PIKFYVE: variants seen among roughly 807,000 people sequenced by gnomAD.
The protein encoded by PIKFYVE is 1-phosphatidylinositol 3-phosphate 5-kinase.
PIKFYVE carries 122 observed loss-of-function variants against 257.9 expected under a neutral mutation model. The ratio of observed to expected loss-of-function variants is 0.47; its 90% CI spans 0.41 to 0.55. PIKFYVE has a LOEUF of 0.55. Among genes scored for constraint, PIKFYVE ranks in the 20% least tolerant of loss-of-function variants. PIKFYVE has a pLI of 0.00. For missense variants in PIKFYVE, 2,160 were observed against 2,536.6 expected (o/e 0.85, Z 3.19); for synonymous variants, 892 against 868.9 (o/e 1.03, Z -0.47).
chr2:208,335,931 A>T (rs368346344), intron 26 of PIKFYVE, 30 bp downstream of exon 26: 51 of 1,588,380 alleles, frequency 3.2e-5, no homozygotes, highest in Non-Finnish European at 4.2e-5. Context: ...GAAAATTCAA[A>T]AGTTAATTAT....
At chr2:208,344,696 T>C (rs1290712798) in intron 32 of PIKFYVE, among the ~76,000 whole-genome samples, 2 of 124,010 alleles carry the variant, frequency 1.6e-5, no homozygotes, top group South Asian at 2.9e-4. Flanking sequence ...TTCTTTTTGG[T>C]TAATAGAACA....
chr2:208,350,703 A>C, intron 36 of PIKFYVE, 68 bp from the exon 37 acceptor site: 1 of 1,548,160 alleles, frequency 6.5e-7, no homozygotes, highest in Non-Finnish European at 8.9e-7. Flanking sequence ...GTAGGGAGTG[A>C]GGGAGCGGAG....
intron 13 of PIKFYVE, 111 bp from the exon 14 acceptor site, chr2:208,314,183 G>T: frequency 8.1e-7 from 1 of 1,229,444 alleles, no homozygotes; most frequent in Non-Finnish European, 1.2e-6. Flanking sequence ...AATAATTTAT[G>T]TTGGCTAACT....
chr2:208,335,602 T>C (rs1225982072), intron 25 of PIKFYVE, among the ~76,000 whole-genome samples, 183 bp downstream of exon 25: 2 of 152,240 alleles, frequency 1.3e-5, no homozygotes, highest in Non-Finnish European at 2.9e-5. Flanking sequence ...CAAACTCTTT[T>C]AGACATAACA....
chr2:208,338,420 C>G (rs1698380039), intron 28 of PIKFYVE, 88 bp from the exon 29 acceptor site: 7 of 1,272,268 alleles, frequency 5.5e-6, no homozygotes, highest in South Asian at 2.5e-5. Context: ...GTCCTGAGAC[C>G]AAAAAGTTTA....
At chr2:208,351,524 T>G in intron 38 of PIKFYVE, 69 bp downstream of exon 38, 1 of 1,235,142 alleles carries the variant, frequency 8.1e-7, no homozygotes, top group Admixed American at 1.7e-5. Flanking sequence ...ATCTTTCTGT[T>G]AGTCTATTCT....
rs1203049683 is a variant in PIKFYVE at position 208,357,252 on chromosome 2, T to C, written c.*1947T>C. The C allele has an allele frequency of 6.6e-6, 1 of 152,278 alleles. No homozygotes were observed. Among genetic ancestry groups the C allele is most frequent in the Non-Finnish European group, 1.5e-5 (1 of 68,054 alleles). 9.4% of individuals were successfully genotyped at this position (152,278 alleles called of 1,614,324 possible). A position where few individuals can be genotyped will look rare whatever the true frequency, so the allele number is the denominator to read the frequency against. On this transcript the variant is annotated 3_prime_UTR_variant, in exon 42 of 42. Transcript: ENST00000264380. ...AATGGATTTTGTATCTGATTTAAAA[T>C]GCCAACACTGTTTTGTCTCTGTTCA...
chr2:208,328,950 G>A (rs1371720392), intron 21 of PIKFYVE, among the ~76,000 whole-genome samples: 1 of 152,136 alleles, frequency 6.6e-6, no homozygotes, highest in Non-Finnish European at 1.5e-5. Context: ...ATGATAGCAT[G>A]TACAATTTAG....
chr2:208,268,665 T>A (rs763050020), intron 1 of PIKFYVE, among the ~76,000 whole-genome samples: 18 of 151,932 alleles, frequency 1.2e-4, no homozygotes, highest in Non-Finnish European at 2.4e-4. Context: ...CACTTTTTGC[T>A]GAATTGTCAT....
intron 3 of PIKFYVE, chr2:208,274,055 T>C (rs972430875): frequency 1.9e-6 from 3 of 1,611,650 alleles, no homozygotes; most frequent in Admixed American, 1.7e-5. Flanking sequence ...AGAACACAGG[T>C]TAGTTTCCAC....
intron 32 of PIKFYVE, among the ~76,000 whole-genome samples, chr2:208,344,836 C>A (rs1699080976): frequency 6.6e-6 from 1 of 152,054 alleles, no homozygotes; most frequent in Non-Finnish European, 1.5e-5. Context: ...GTCATTTGAT[C>A]TAAATATTAG....
intron 5 of PIKFYVE, among the ~76,000 whole-genome samples, chr2:208,279,973 G>C (rs1000665969): frequency 6.6e-6 from 1 of 152,152 alleles, no homozygotes; most frequent in African/African-American, 2.4e-5. Flanking sequence ...AGGCTACAGT[G>C]ACAAGATTAC....
chr2:208,325,768 A>G lies in PIKFYVE; in HGVS notation c.2957A>G (p.Asp986Gly), dbSNP rs1559130839. The stretch of plus-strand genomic sequence containing the variant: ...TCATTGTTGCCACTCCCTGTGGATG[A>G]CCAACAAGATGCTTTAGGCAGCGAG... ...PESLLPLPVD[D>G]QQDALGSEQP... The change falls in exon 20 of 42, where the codon GAC becomes GGC. Residue 986 changes from aspartate (D) to glycine (G), a missense_variant. Physicochemically the swap from Asp to Gly is moderately conservative, Grantham distance 94. Around this residue, in one of 12 missense-constraint regions of PIKFYVE, gnomAD observed 522 missense variants for 514.6 expected, o/e 1.01. Coordinates refer to ENST00000264380, the MANE Select transcript of PIKFYVE (RefSeq NM_015040.4). The G allele has an allele frequency of 6.2e-7, 1 of 1,613,850 alleles. No homozygotes were observed. Among genetic ancestry groups the G allele is most frequent in the Non-Finnish European group, 8.5e-7 (1 of 1,179,838 alleles).
chr2:208,298,699 T>C lies in PIKFYVE; in HGVS notation c.970T>C (p.Tyr324His). The change falls in exon 8 of 42, where the codon TAT (tyrosine) becomes CAT (histidine). Residue 324 changes from tyrosine to histidine, a missense_variant. By Grantham distance (83) the Tyr-to-His change is moderately conservative. This residue lies in a region of PIKFYVE where 187 missense variants were observed against 185.6 expected (regional missense o/e 1.01). Transcript: ENST00000264380. ...ATCTGGTTCTCCTATGGTACCTTCA[T>C]ATGAGACATCTGTCAGTCCCCAGGC... Reference protein sequence around the residue: ...DRSGSPMVPSYETSVSPQANR... With the variant: ...DRSGSPMVPSHETSVSPQANR... 2 of 1,614,040 alleles carry C rather than the reference T, an allele frequency of 1.2e-6. No homozygotes were observed. The highest frequency in any genetic ancestry group is 1.7e-6 in the Non-Finnish European group (2 of 1,179,904).
At chr2:208,340,813 C>T (rs894906339) in intron 31 of PIKFYVE, among the ~76,000 whole-genome samples, 2 of 152,080 alleles carry the variant, frequency 1.3e-5, no homozygotes, top group Admixed American at 6.6e-5. Flanking sequence ...ACTGTCATCA[C>T]TCTTAGGAGC....
intron 19 of PIKFYVE, 44 bp downstream of exon 19, chr2:208,325,081 CT>C: frequency 6.2e-7 from 1 of 1,611,094 alleles, no homozygotes; most frequent in Non-Finnish European, 8.5e-7. Context: ...AAAGAGTTAA[CT>C]TATCACTACT....
chr2:208,328,191 G>T lies in PIKFYVE; in HGVS notation c.3630G>T (p.Leu1210=), dbSNP rs376090892. ...DAVWSTKVDC[L]NPINHQRLCV... Reference sequence around the variant, plus strand: ...TCCTTCTATTTCAGGTGGACTGTCTGAATCCCATTAATCACCAGAGACTTT... The same window carrying T: ...TCCTTCTATTTCAGGTGGACTGTCTTAATCCCATTAATCACCAGAGACTTT... The change falls in exon 21 of 42, where the codon CTG becomes CTT. Residue 1210 remains leucine, a synonymous_variant. Coordinates refer to ENST00000264380, the MANE Select transcript of PIKFYVE (RefSeq NM_015040.4). 308 of 1,613,706 alleles carry T rather than the reference G, an allele frequency of 1.9e-4. No individual in the cohort carries two copies. The highest frequency in any genetic ancestry group is 2.5e-4 in the Non-Finnish European group (298 of 1,179,846).
chr2:208,302,460 A>G (rs1693810937), intron 10 of PIKFYVE, 107 bp downstream of exon 10: 2 of 1,100,550 alleles, frequency 1.8e-6, no homozygotes, highest in African/African-American at 1.6e-5. Context: ...TTTTTCTAAC[A>G]TTTTTTCCTG....
intron 28 of PIKFYVE, among the ~76,000 whole-genome samples, chr2:208,337,967 T>C (rs6751982): frequency 0.93 from 141,522 of 152,188 alleles, 66,330 homozygotes; most frequent in Non-Finnish European, 0.98. Flanking sequence ...AGGTGATCCA[T>C]CCACCTTGGC....
Sources: allele counts gnomAD v4.1 joint callset (sites outside exome capture counted in the v4.1 genomes callset), GRCh38; gene constraint gnomAD v4.1.1; regional missense constraint gnomAD v4.1.1; transcripts MANE v1.5; gene names NCBI Gene and HGNC (gene_info 2026-07-23, HGNC 2026-07-21).